The following DNAJB14 variants were observed in gnomAD, a reference collection of about 807,000 sequenced individuals.
DNAJB14 encodes the protein dnaJ homolog subfamily B member 14.
In DNAJB14, 22 loss-of-function variants were observed where a neutral mutation model predicts 48.4. The ratio of observed to expected loss-of-function variants is 0.45; its 90% confidence interval spans 0.32 to 0.65. The LOEUF is 0.65. DNAJB14 is among the 30% of genes least tolerant of loss of function. The pLI, the probability that DNAJB14 is intolerant of heterozygous loss-of-function variation, is 0.03. For missense variants in DNAJB14, 319 were observed against 458.8 expected, an observed-to-expected ratio of 0.70 and a Z score of 2.78; for synonymous variants, 142 against 158.7, an observed-to-expected ratio of 0.89 and a Z score of 0.79.
chr4:99,906,703 T>A, intron 4 of DNAJB14, 92 bp from the exon 5 acceptor site: 1 of 1,072,314 alleles, frequency 9.3e-7, no homozygotes, highest in Admixed American at 2.2e-5. Context: ...TTTTAAAAAA[T>A]TACTAAAATA....
chr4:99,925,051 G>T, intron 2 of DNAJB14: 1 of 458,738 alleles, frequency 2.2e-6, no homozygotes, highest in African/African-American at 2.0e-5. Context: ...GTCATCCCTT[G>T]GTATCCACAG....
At chr4:99,917,858 T>A (rs902540806) in intron 3 of DNAJB14, among the ~76,000 whole-genome samples, 4 of 152,218 alleles carry the variant, frequency 2.6e-5, no homozygotes, top group Non-Finnish European at 4.4e-5. Flanking sequence ...TTAAATTGCT[T>A]TTCCCCCTAT....
Position 99,899,709 on chromosome 4 carries a change from T to G in DNAJB14, c.*1319A>C, listed in dbSNP as rs1725233725. ...TCCATTAACCGAGTATGAAGCAAAA[T>G]CATTAAAATATTACAACTGCTAAAC... On this transcript the variant is annotated 3_prime_UTR_variant, in exon 8 of 8. Coordinates refer to ENST00000442697, the MANE Select transcript of DNAJB14 (RefSeq NM_001031723.4). 6.6e-6 allele frequency: 1 copy of G among 152,240 alleles called. No homozygotes were observed. The highest frequency in any genetic ancestry group is 6.6e-5 in the Admixed American group (1 of 15,222). The allele number at this position is 152,240 out of a possible 1,614,324, so 9.4% of individuals were successfully genotyped here.
intron 1 of DNAJB14, among the ~76,000 whole-genome samples, chr4:99,938,097 CAAAAAAAAAAAAAAAAAA>C (rs59597113): frequency 4.1e-4 from 17 of 40,978 alleles, no homozygotes; most frequent in African/African-American, 1.3e-3. Flanking sequence ...GTTAAAAATA[CAAAAAAAAAAAAAAAAAA>C]AAAAAAAAAA....
At chr4:99,930,991 A>G (rs1427415741) in intron 1 of DNAJB14, among the ~76,000 whole-genome samples, 8 of 152,236 alleles carry the variant, frequency 5.3e-5, no homozygotes, top group African/African-American at 1.2e-4. Flanking sequence ...TTAATTCTCA[A>G]TAGCAACAAT....
At position 99,899,461 on chromosome 4, in the gene DNAJB14, A is replaced by T. The variant is rs1434427738; in HGVS notation, c.*1567T>A. 6.6e-6 allele frequency: 1 copy of T among 151,772 alleles called. No individual in the cohort carries two copies. The highest frequency in any genetic ancestry group is 1.9e-4 in the East Asian group (1 of 5,184). 9.4% of individuals were successfully genotyped at this position (151,772 alleles called of 1,614,324 possible). On this transcript the variant is annotated 3_prime_UTR_variant, in exon 8 of 8. Transcript: ENST00000442697. ...GGTTAAGCTCTCCAGTTTTCCTATG[A>T]CAGTATGTTGTTTAGTTTAACCTAC...
At chr4:99,941,418 T>G (rs954591476) in intron 1 of DNAJB14, among the ~76,000 whole-genome samples, 25 of 152,176 alleles carry the variant, frequency 1.6e-4, no homozygotes, top group African/African-American at 5.8e-4. Context: ...AACTCCAAGG[T>G]ACTATTCAAG....
chr4:99,934,560 G>A (rs955857445), intron 1 of DNAJB14, among the ~76,000 whole-genome samples: 2 of 151,492 alleles, frequency 1.3e-5, no homozygotes, highest in African/African-American at 4.8e-5. Flanking sequence ...TTGGGAGGCT[G>A]AGGCGGGTAG....
At chr4:99,932,523 GAGAAATTGGTACCCTAATA>G (rs1333241567) in intron 1 of DNAJB14, among the ~76,000 whole-genome samples, 1 of 152,122 alleles carries the variant, frequency 6.6e-6, no homozygotes, top group Non-Finnish European at 1.5e-5. Flanking sequence ...GAAGGATGGG[GAGAAATTGGTACCCTAATA>G]AGTTTCTAGT....
At chr4:99,924,912 T>C in intron 2 of DNAJB14, 1 of 801,990 alleles carries the variant, frequency 1.2e-6, no homozygotes, top group East Asian at 2.4e-5. Context: ...ACCGAAAAGA[T>C]GTGAAGCTAC....
chr4:99,932,872 A>T (rs1450313428), intron 1 of DNAJB14, among the ~76,000 whole-genome samples: 1 of 152,208 alleles, frequency 6.6e-6, no homozygotes, highest in African/African-American at 2.4e-5. Context: ...GAAAGACTCC[A>T]GTCACAAAAG....
chr4:99,903,074 T>G (rs1440855968), intron 7 of DNAJB14, among the ~76,000 whole-genome samples: 1 of 152,130 alleles, frequency 6.6e-6, no homozygotes, highest in Non-Finnish European at 1.5e-5. Context: ...TCAGTTCTCC[T>G]AACACTACAC....
At chr4:99,907,008 A>G (rs924257353) in intron 4 of DNAJB14, among the ~76,000 whole-genome samples, 1 of 152,226 alleles carries the variant, frequency 6.6e-6, no homozygotes, top group Non-Finnish European at 1.5e-5. Context: ...GATAGTGTTC[A>G]AATTCATTTT....
intron 3 of DNAJB14, among the ~76,000 whole-genome samples, chr4:99,921,045 C>T (rs1051889322): frequency 6.6e-6 from 1 of 152,208 alleles, no homozygotes; most frequent in East Asian, 1.9e-4. Context: ...ATGAAACCTG[C>T]CATTTCTGTG....
At position 99,904,324 on chromosome 4, in the gene DNAJB14, A is replaced by T. The variant is rs141500958; in HGVS notation, c.843-426T>A. Among the ~76,000 whole-genome samples the T allele has an allele frequency of 2.0e-5, 3 of 152,304 alleles. No individual in the cohort carries two copies. The East Asian group carries it at 5.8e-4, about 29-fold the overall frequency. On this transcript the variant is annotated intron_variant, in intron 6 of 7. Coordinates refer to ENST00000442697, the MANE Select transcript of DNAJB14 (RefSeq NM_001031723.4). ...TAGAGTAAGAAAATTATTGCTTATCAGTAGCATATAAATTCAGAGTCAGGA... is the reference window on the plus strand; with the variant it reads ...TAGAGTAAGAAAATTATTGCTTATCTGTAGCATATAAATTCAGAGTCAGGA...
At chr4:99,903,680 A>G (rs1207266500) in intron 7 of DNAJB14, 46 bp downstream of exon 7, 1 of 1,565,458 alleles carries the variant, frequency 6.4e-7, no homozygotes, top group South Asian at 1.2e-5. Context: ...ATCAGTTCCA[A>G]AGACTGCGAA....
intron 3 of DNAJB14, among the ~76,000 whole-genome samples, chr4:99,921,360 C>T (rs963953244): frequency 6.6e-6 from 1 of 152,166 alleles, no homozygotes; most frequent in African/African-American, 2.4e-5. Context: ...GAAAGTGTAA[C>T]CAGTTTTGTA....
chr4:99,927,688 C>T (rs1726305145), intron 2 of DNAJB14: 1 of 152,216 alleles, frequency 6.6e-6, no homozygotes, highest in East Asian at 1.9e-4. Flanking sequence ...CACACTTTCT[C>T]TTCAGTCTTA....
chr4:99,920,297 C>G (rs1726008433), intron 3 of DNAJB14, among the ~76,000 whole-genome samples: 1 of 152,170 alleles, frequency 6.6e-6, no homozygotes, highest in Non-Finnish European at 1.5e-5. Context: ...TCTACAAGAA[C>G]TAGCCCAAAT....
Sources: gnomAD v4.1 joint callset for allele counts (sites outside exome capture counted in the v4.1 genomes callset) on GRCh38, gnomAD v4.1.1 for gene constraint, MANE v1.5 for transcripts, NCBI Gene and HGNC (gene_info 2026-07-23, HGNC 2026-07-21) for gene names.